Variants in HEATR4 observed in about 807,000 individuals in gnomAD.
HEATR4 encodes HEAT repeat containing 4, also known as HEAT repeat-containing protein 4.
Under a neutral mutation model 108.8 loss-of-function variants are expected in HEATR4, and 95 were observed. The observed-to-expected ratio is 0.87, with a 90% CI of 0.74 to 1.04. The LOEUF (loss-of-function observed/expected upper bound fraction) is 1.04. Among genes scored for constraint, HEATR4 ranks in the 50% least tolerant of loss-of-function variants. The pLI is 0.00. For missense variants in HEATR4, 1,152 were observed against 1,253.8 expected (o/e 0.92, Z 1.23); for synonymous variants, 443 against 459.4 (o/e 0.96, Z 0.46).
the HEATR4 span, among the ~76,000 whole-genome samples, chr14:73,607,923 G>T: frequency 6.7e-6 from 1 of 148,614 alleles, no homozygotes; most frequent in African/African-American, 2.5e-5. Context: ...CATGCCCAGC[G>T]GGGTTTTCTT....
At chr14:73,501,878 C>T (rs1454459925) in intron 11 of HEATR4, among the ~76,000 whole-genome samples, 1 of 151,738 alleles carries the variant, frequency 6.6e-6, no homozygotes, top group African/African-American at 2.4e-5. Flanking sequence ...CTCAGCCTCC[C>T]GAATAGCTGG....
At chr14:73,524,318 T>A (rs1485755190) in intron 2 of HEATR4, among the ~76,000 whole-genome samples, 1,296 of 120,890 alleles carry the variant, frequency 0.011, 10 homozygotes, top group Non-Finnish European at 0.016. Context: ...AAAATATATA[T>A]ATATATATAT....
chr14:73,499,877 A>G (rs1595094884), intron 12 of HEATR4, among the ~76,000 whole-genome samples: 2 of 152,306 alleles, frequency 1.3e-5, no homozygotes. Flanking sequence ...AGCTTGTCCA[A>G]CATGTGGCCT....
the HEATR4 span, among the ~76,000 whole-genome samples, chr14:73,579,499 C>T: frequency 2.7e-5 from 4 of 147,658 alleles, no homozygotes; most frequent in Non-Finnish European, 5.9e-5. Flanking sequence ...CACTTGAAAC[C>T]GGAAGGTGGA....
chr14:73,629,568 G>A, the HEATR4 span, among the ~76,000 whole-genome samples: 1 of 152,140 alleles, frequency 6.6e-6, no homozygotes, highest in African/African-American at 2.4e-5. Flanking sequence ...GTGCAGAGCT[G>A]CATGAAGGGG....
rs66706377 is a variant in HEATR4 at position 73,558,513 on chromosome 14, ATTTTTTTT to A, written c.-152+230_-152+237del. On this transcript the variant is annotated intron_variant, in intron 1 of 17. Coordinates refer to ENST00000553558, the MANE Select transcript of HEATR4 (RefSeq NM_001220484.1). ...CACATAGCACACCACTCTCGGTTAA[ATTTTTTTT>A]TTTTTTTTTTTTTTTGTAGAGATAG... Among the ~76,000 whole-genome samples the A allele has an allele frequency of 7.4e-3, 543 of 73,530 alleles. 2 individuals are homozygous for A. The highest frequency in any genetic ancestry group is 0.028 in the African/African-American group (487 of 17,262). The allele number at this position is 73,530 out of a possible 152,430, so 48.2% of individuals were successfully genotyped here.
intron 5 of HEATR4, among the ~76,000 whole-genome samples, chr14:73,515,198 A>T (rs1465263301): frequency 6.6e-6 from 1 of 152,190 alleles, no homozygotes; most frequent in Non-Finnish European, 1.5e-5. Flanking sequence ...AAATGATAAA[A>T]ACATTTCCAG....
chr14:73,495,759 A>G (rs555091342), intron 15 of HEATR4, among the ~76,000 whole-genome samples: 2 of 152,312 alleles, frequency 1.3e-5, no homozygotes, highest in South Asian at 4.1e-4. Context: ...CTTGATGTGA[A>G]GTTGGTTTCT....
the HEATR4 span, chr14:73,612,871 G>T: frequency 7.1e-7 from 1 of 1,400,864 alleles, no homozygotes. Context: ...ACGTGCGGAC[G>T]CCCTTCGCCG....
the HEATR4 span, among the ~76,000 whole-genome samples, chr14:73,632,669 C>T: frequency 6.6e-6 from 1 of 151,756 alleles, no homozygotes; most frequent in East Asian, 2.0e-4. Flanking sequence ...CATGGTGAAA[C>T]CCCATCTCTA....
chr14:73,550,251 G>C, intron 1 of HEATR4, among the ~76,000 whole-genome samples: 1 of 113,472 alleles, frequency 8.8e-6, no homozygotes, highest in Non-Finnish European at 1.9e-5. Context: ...GAGTGACCGT[G>C]TTCTCGGGAT....
At chr14:73,497,457 C>A (rs1050998978) in intron 14 of HEATR4, among the ~76,000 whole-genome samples, 2 of 152,196 alleles carry the variant, frequency 1.3e-5, no homozygotes, top group African/African-American at 4.8e-5. Flanking sequence ...CTATCACCTG[C>A]ATTTGATACA....
At chr14:73,483,753 T>G (rs58546337) in intron 17 of HEATR4, among the ~76,000 whole-genome samples, 30,441 of 152,140 alleles carry the variant, frequency 0.2, 3,369 homozygotes, top group East Asian at 0.36. Flanking sequence ...ATGGATGCAT[T>G]TAAATTCAGT....
the HEATR4 span, chr14:73,591,937 G>GA: frequency 7.4e-7 from 1 of 1,360,312 alleles, no homozygotes; most frequent in South Asian, 1.9e-5. Flanking sequence ...CTCGACCTTT[G>GA]AATTCCCCGC....
At chr14:73,620,057 G>A in the HEATR4 span, among the ~76,000 whole-genome samples, 93 of 152,010 alleles carry the variant, frequency 6.1e-4, no homozygotes, top group African/African-American at 2.0e-3. Flanking sequence ...GATTACAGGT[G>A]CACACCACGG....
chr14:73,533,133 TAAATC>T lies in HEATR4; in HGVS notation c.-151-2894_-151-2890del, dbSNP rs1222291832. ...GAGGGAGACCCTGTTTCTAATAAAA[TAAATC>T]AAAACCCTGTTGAAGGTTCCTCAAA... is the stretch of plus-strand genomic sequence containing the variant. On this transcript the variant is annotated intron_variant, in intron 1 of 17. Coordinates refer to ENST00000553558, the MANE Select transcript of HEATR4 (RefSeq NM_001220484.1). Among the ~76,000 whole-genome samples, 5 of 114,078 alleles carry T rather than the reference TAAATC, an allele frequency of 4.4e-5. 1 individual carries two copies. The highest frequency in any genetic ancestry group is 1.4e-4 in the African/African-American group (5 of 35,028). 74.8% of individuals were successfully genotyped at this position (114,078 alleles called of 152,430 possible).
At chr14:73,619,508 A>G in the HEATR4 span, 3 of 1,614,206 alleles carry the variant, frequency 1.9e-6, no homozygotes, top group East Asian at 6.7e-5. Context: ...GTTCCATTGG[A>G]AAAGGCGCAG....
chr14:73,615,733 C>CAACAAACA, the HEATR4 span, among the ~76,000 whole-genome samples: 200 of 150,460 alleles, frequency 1.3e-3, 1 homozygote, highest in Middle Eastern at 6.8e-3. Flanking sequence ...AACCTTGTCT[C>CAACAAACA]AACAAACAAA....
chr14:73,570,607 T>C, the HEATR4 span, among the ~76,000 whole-genome samples: 5 of 151,396 alleles, frequency 3.3e-5, no homozygotes, highest in African/African-American at 4.9e-5. Context: ...AAGACACTTA[T>C]ATTAAAAACA....
Sources: gnomAD v4.1 joint callset for allele counts (sites outside exome capture counted in the v4.1 genomes callset) on GRCh38, gnomAD v4.1.1 for gene constraint, MANE v1.5 for transcripts, NCBI Gene and HGNC (gene_info 2026-07-23, HGNC 2026-07-21) for gene names.